LAMA2: variants seen among roughly 807,000 people sequenced by gnomAD.
The protein encoded by LAMA2 is laminin subunit alpha 2, also known as laminin subunit alpha-2.
LAMA2 carries 269 observed loss-of-function variants against 364.8 expected under a neutral mutation model. That is an observed-to-expected ratio of 0.74 (90% CI 0.67 to 0.82). The LOEUF is 0.82. LAMA2 is among the 40% of genes least tolerant of loss of function. The probability of loss-of-function intolerance (pLI) is 0.00; values close to 1 mark genes in which losing one functional copy is unlikely to be tolerated. For synonymous variants in LAMA2, 1,379 were observed against 1,370.6 expected, an observed-to-expected ratio of 1.01 and a Z score of -0.14; for missense variants, 3,807 against 3,873.2, an observed-to-expected ratio of 0.98 and a Z score of 0.45.
At chr6:128,943,891 T>C (rs1285287538) in intron 1 of LAMA2, among the ~76,000 whole-genome samples, 3 of 152,224 alleles carry the variant, frequency 2.0e-5, no homozygotes, top group African/African-American at 7.2e-5. Flanking sequence ...GATGTATTTA[T>C]GGCAGCAAGC....
chr6:129,246,845 T>C (rs1169836244), intron 12 of LAMA2, among the ~76,000 whole-genome samples: 1 of 152,132 alleles, frequency 6.6e-6, no homozygotes, highest in Non-Finnish European at 1.5e-5. Context: ...CAGAGAATTC[T>C]TTATCTAAAG....
At chr6:129,113,776 A>C (rs1373291050) in intron 4 of LAMA2, among the ~76,000 whole-genome samples, 1 of 151,964 alleles carries the variant, frequency 6.6e-6, no homozygotes, top group Non-Finnish European at 1.5e-5. Context: ...CAAACACTCA[A>C]CTGAAATTTG....
chr6:129,252,599 T>C (rs1397403653), intron 14 of LAMA2, among the ~76,000 whole-genome samples: 58 of 151,540 alleles, frequency 3.8e-4, no homozygotes, highest in Non-Finnish European at 4.4e-5. Context: ...TCCTTTATGA[T>C]GGCTCATAGC....
At chr6:129,138,104 C>T (rs1000914693) in intron 4 of LAMA2, among the ~76,000 whole-genome samples, 1 of 151,578 alleles carries the variant, frequency 6.6e-6, no homozygotes, top group East Asian at 1.9e-4. Context: ...TAGACCATGA[C>T]ACAGAAAGGA....
intron 41 of LAMA2, among the ~76,000 whole-genome samples, chr6:129,428,369 A>G (rs1466509749): frequency 2.0e-5 from 3 of 152,234 alleles, no homozygotes; most frequent in Non-Finnish European, 2.9e-5. Flanking sequence ...AGGGGCGTGA[A>G]GTTACCGTGA....
At chr6:129,067,633 T>C (rs1789458128) in intron 3 of LAMA2, among the ~76,000 whole-genome samples, 1 of 152,190 alleles carries the variant, frequency 6.6e-6, no homozygotes, top group South Asian at 2.1e-4. Context: ...TCACATTCAG[T>C]GGGAAAAGCA....
At chr6:129,255,244 A>C (rs1786561694) in intron 14 of LAMA2, among the ~76,000 whole-genome samples, 1 of 151,712 alleles carries the variant, frequency 6.6e-6, no homozygotes, top group Non-Finnish European at 1.5e-5. Context: ...CATCTCTACT[A>C]AAAATACCAA....
intron 4 of LAMA2, among the ~76,000 whole-genome samples, chr6:129,139,768 AT>A (rs1778007502): frequency 6.6e-6 from 1 of 152,148 alleles, no homozygotes; most frequent in South Asian, 2.1e-4. Context: ...TTACATAAAA[AT>A]TCTTTGTCCA....
intron 12 of LAMA2, among the ~76,000 whole-genome samples, chr6:129,217,232 G>T: frequency 6.6e-6 from 1 of 151,780 alleles, no homozygotes; most frequent in Admixed American, 6.6e-5. Context: ...CAAGGAGTGT[G>T]TTTTGAATAC....
chr6:129,227,602 C>G (rs564683319), intron 12 of LAMA2, among the ~76,000 whole-genome samples: 41 of 152,310 alleles, frequency 2.7e-4, no homozygotes, highest in African/African-American at 9.9e-4. Context: ...ACTCCAGACC[C>G]TGTTTGCCTG....
chr6:128,967,377 G>T (rs1781910132), intron 1 of LAMA2, among the ~76,000 whole-genome samples: 1 of 152,178 alleles, frequency 6.6e-6, no homozygotes. Flanking sequence ...CATTCATATA[G>T]ATTATTTTAT....
chr6:129,142,684 G>T (rs1187807123), intron 4 of LAMA2, among the ~76,000 whole-genome samples: 1 of 151,936 alleles, frequency 6.6e-6, no homozygotes, highest in Non-Finnish European at 1.5e-5. Context: ...CTGCTCAATT[G>T]ACTTTCTTGA....
At chr6:129,120,878 A>T (rs1337662235) in intron 4 of LAMA2, among the ~76,000 whole-genome samples, 1 of 152,208 alleles carries the variant, frequency 6.6e-6, no homozygotes, top group African/African-American at 2.4e-5. Flanking sequence ...AAATGTGTCT[A>T]ATGTCTTCTT....
intron 3 of LAMA2, among the ~76,000 whole-genome samples, chr6:129,096,400 T>G (rs569574624): frequency 6.6e-6 from 1 of 152,324 alleles, no homozygotes; most frequent in African/African-American, 2.4e-5. Flanking sequence ...AGTCCTCCTC[T>G]TTTCTTGACT....
chr6:129,193,884 G>A (rs1781684153), intron 12 of LAMA2, among the ~76,000 whole-genome samples: 2 of 152,106 alleles, frequency 1.3e-5, no homozygotes, highest in South Asian at 2.1e-4. Flanking sequence ...AACTGGTGGT[G>A]TTGGCTGGTT....
chr6:129,309,390 G>C (rs1774070977), intron 22 of LAMA2, among the ~76,000 whole-genome samples: 1 of 152,160 alleles, frequency 6.6e-6, no homozygotes, highest in African/African-American at 2.4e-5. Flanking sequence ...TAAACTTCCT[G>C]ATTTGGAAAG....
chr6:129,166,348 A>C (rs1779740883), intron 9 of LAMA2, among the ~76,000 whole-genome samples: 1 of 152,188 alleles, frequency 6.6e-6, no homozygotes. Flanking sequence ...AATTCATAGA[A>C]TGCACTGGGA....
intron 34 of LAMA2, among the ~76,000 whole-genome samples, chr6:129,382,094 G>T (rs1342467228): frequency 6.6e-6 from 1 of 152,160 alleles, no homozygotes; most frequent in Non-Finnish European, 1.5e-5. Context: ...TAGTATGCAA[G>T]CACTCTGGTA....
In LAMA2 at chr6:129,070,028, G is replaced by T. The variant is rs1453246081; in HGVS notation, c.396+10132G>T. Among the ~76,000 whole-genome samples, 10 of 152,038 alleles carry T rather than the reference G, an allele frequency of 6.6e-5. No homozygotes were observed. The East Asian group carries it at 1.4e-3, about 21-fold the overall frequency. On this transcript the variant is annotated intron_variant, in intron 3 of 64. Transcript: ENST00000421865. ...TAAAATACAAACATGGCAAAAAAAG[G>T]CTGGAGTGAGACTAAGGAGAAAGGA... is the stretch of plus-strand genomic sequence containing the variant.
Sources: allele counts gnomAD v4.1 joint callset (sites outside exome capture counted in the v4.1 genomes callset), GRCh38; gene constraint gnomAD v4.1.1; transcripts MANE v1.5; gene names NCBI Gene and HGNC (gene_info 2026-07-23, HGNC 2026-07-21).